The following FYN variants were observed in gnomAD, a reference collection of about 807,000 sequenced individuals.
The protein encoded by FYN is FYN proto-oncogene, Src family tyrosine kinase.
FYN carries 10 observed loss-of-function variants against 70.2 expected under a neutral mutation model. The observed-to-expected ratio is 0.14, with a 90% CI of 0.09 to 0.24. The LOEUF (loss-of-function observed/expected upper bound fraction) is 0.24. Among genes scored for constraint, FYN ranks in the 10% least tolerant of loss-of-function variants. The probability of loss-of-function intolerance (pLI) is 1.00; values close to 1 mark genes in which losing one functional copy is unlikely to be tolerated. For synonymous variants in FYN, 236 were observed against 248.6 expected (o/e 0.95, Z 0.48); for missense variants, 319 against 673.1 (o/e 0.47, Z 5.82).
chr6:111,677,218 C>CAA (rs1349521828), intron 12 of FYN, among the ~76,000 whole-genome samples: 1 of 152,198 alleles, frequency 6.6e-6, no homozygotes, highest in Non-Finnish European at 1.5e-5. Context: ...ACTTCTCCTG[C>CAA]TTCTTCTCTG....
At chr6:111,861,793 C>T (rs1438657387) in intron 1 of FYN, among the ~76,000 whole-genome samples, 1 of 152,204 alleles carries the variant, frequency 6.6e-6, no homozygotes, top group Non-Finnish European at 1.5e-5. Context: ...AGGGGTCCCT[C>T]CCCATGACCA....
intron 1 of FYN, among the ~76,000 whole-genome samples, chr6:111,864,574 G>A (rs1774054009): frequency 6.6e-6 from 1 of 152,138 alleles, no homozygotes; most frequent in Non-Finnish European, 1.5e-5. Context: ...TGATGATGAG[G>A]TGGTAATCAG....
At chr6:111,851,165 G>C (rs1462093289) in intron 1 of FYN, among the ~76,000 whole-genome samples, 1 of 152,164 alleles carries the variant, frequency 6.6e-6, no homozygotes, top group Non-Finnish European at 1.5e-5. Flanking sequence ...TAGTCTAGTA[G>C]AGGACAGCAG....
At chr6:111,785,524 T>C (rs1313098654) in intron 2 of FYN, among the ~76,000 whole-genome samples, 1 of 152,176 alleles carries the variant, frequency 6.6e-6, no homozygotes, top group Non-Finnish European at 1.5e-5. Context: ...GCACTTCTCA[T>C]GTCACTCCCA....
chr6:111,831,947 A>G (rs1773029905), intron 2 of FYN, among the ~76,000 whole-genome samples: 1 of 152,194 alleles, frequency 6.6e-6, no homozygotes. Flanking sequence ...GTCTGAGTGA[A>G]TATCTTATAC....
intron 3 of FYN, among the ~76,000 whole-genome samples, chr6:111,765,928 G>C (rs1463020651): frequency 6.6e-6 from 1 of 152,172 alleles, no homozygotes; most frequent in Non-Finnish European, 1.5e-5. Context: ...TGAAGTGAAA[G>C]AGTTAGATGT....
chr6:111,695,465 T>C (rs922888561), intron 10 of FYN, among the ~76,000 whole-genome samples: 2 of 152,192 alleles, frequency 1.3e-5, no homozygotes, highest in Non-Finnish European at 2.9e-5. Flanking sequence ...AAAGCAGGGA[T>C]AATCATTTGC....
At chr6:111,765,996 TGTTTA>T (rs1455575087) in intron 3 of FYN, among the ~76,000 whole-genome samples, 1 of 152,110 alleles carries the variant, frequency 6.6e-6, no homozygotes, top group East Asian at 1.9e-4. Flanking sequence ...CAGGTTAAGG[TGTTTA>T]GGCCTTTCTT....
At chr6:111,869,299 T>C (rs1384972143) in intron 1 of FYN, among the ~76,000 whole-genome samples, 1 of 152,252 alleles carries the variant, frequency 6.6e-6, no homozygotes, top group African/African-American at 2.4e-5. Flanking sequence ...CCTCCTGCCC[T>C]TCCGTTAAGA....
At chr6:111,755,044 G>T (rs1385489985) in intron 3 of FYN, among the ~76,000 whole-genome samples, 1 of 150,978 alleles carries the variant, frequency 6.6e-6, no homozygotes, top group East Asian at 1.9e-4. Context: ...CTAATAATGA[G>T]AATGTCCCAA....
chr6:111,716,124 G>C (rs1800632090), intron 4 of FYN, among the ~76,000 whole-genome samples: 1 of 152,244 alleles, frequency 6.6e-6, no homozygotes, highest in Admixed American at 6.5e-5. Flanking sequence ...CTGGTCAGCT[G>C]TGTATGATCA....
chr6:111,851,720 G>C (rs1316771850), intron 1 of FYN, among the ~76,000 whole-genome samples: 1 of 151,956 alleles, frequency 6.6e-6, no homozygotes, highest in Non-Finnish European at 1.5e-5. Context: ...TGTGGCAAGG[G>C]TCACATATTT....
intron 2 of FYN, among the ~76,000 whole-genome samples, chr6:111,803,887 C>T (rs573776950): frequency 1.1e-4 from 17 of 152,246 alleles, no homozygotes; most frequent in South Asian, 2.1e-4. Flanking sequence ...GGATATTTTG[C>T]TTTCCAAGGA....
chr6:111,791,288 A>T (rs1177704740), intron 2 of FYN, among the ~76,000 whole-genome samples: 2 of 152,250 alleles, frequency 1.3e-5, no homozygotes, highest in East Asian at 1.9e-4. Context: ...ATGAAGTAAT[A>T]AATGTATAAA....
intron 9 of FYN, among the ~76,000 whole-genome samples, chr6:111,697,441 A>G (rs1352164343): frequency 6.6e-6 from 1 of 152,208 alleles, no homozygotes; most frequent in Non-Finnish European, 1.5e-5. Context: ...AGATTTTTAT[A>G]TTTAATATAA....
At chr6:111,808,130 C>A (rs1583461525) in intron 2 of FYN, among the ~76,000 whole-genome samples, 1 of 151,748 alleles carries the variant, frequency 6.6e-6, no homozygotes, top group Admixed American at 6.6e-5. Flanking sequence ...AAACAAAAAA[C>A]AAAAAAAACC....
chr6:111,695,416 C>T (rs1179200809), intron 10 of FYN, among the ~76,000 whole-genome samples: 1 of 152,160 alleles, frequency 6.6e-6, no homozygotes, highest in Non-Finnish European at 1.5e-5. Flanking sequence ...TTCAGAGCCA[C>T]TATTATAACA....
At chr6:111,762,749 T>A (rs1366281906) in intron 3 of FYN, among the ~76,000 whole-genome samples, 4 of 152,070 alleles carry the variant, frequency 2.6e-5, no homozygotes, top group African/African-American at 9.7e-5. Flanking sequence ...CTGGAAGAAC[T>A]GCCTTGGGCC....
chr6:111,834,101 T>C (rs1243916487), intron 2 of FYN, among the ~76,000 whole-genome samples: 1 of 152,198 alleles, frequency 6.6e-6, no homozygotes, highest in East Asian at 1.9e-4. Context: ...ACCATTTATA[T>C]ATAGTCCCAA....
Sources: allele counts gnomAD v4.1 joint callset (sites outside exome capture counted in the v4.1 genomes callset), GRCh38; gene constraint gnomAD v4.1.1; transcripts MANE v1.5; gene names NCBI Gene and HGNC (gene_info 2026-07-23, HGNC 2026-07-21).